ATM: variants seen among roughly 807,000 people sequenced by gnomAD.
ATM encodes serine-protein kinase ATM.
ATM carries 308 observed loss-of-function variants against 387.0 expected under a neutral mutation model. The observed-to-expected ratio is 0.80, with a 90% CI of 0.73 to 0.87. ATM has a LOEUF of 0.87. Among genes scored for constraint, ATM ranks in the 40% least tolerant of loss-of-function variants. The pLI is 0.00. For synonymous variants in ATM, 1,156 were observed against 1,187.3 expected, an observed-to-expected ratio of 0.97 and a Z score of 0.54; for missense variants, 3,312 against 3,560.9, an observed-to-expected ratio of 0.93 and a Z score of 1.78.
At position 108,289,627 on chromosome 11, in the gene ATM, C is replaced by A. The variant is rs2135759716; in HGVS notation, c.4262C>A (p.Ala1421Asp). The change falls in exon 29 of 63, where the codon GCC becomes GAC. Residue 1421 changes from alanine (A) to aspartate (D), a missense_variant. Around this residue, in one of 4 missense-constraint regions of ATM, gnomAD observed 1,791 missense variants for 1,804.5 expected, o/e 0.99. Coordinates refer to ENST00000675843, the MANE Select transcript of ATM (RefSeq NM_000051.4). Reference sequence around the variant, plus strand: ...GATTCCTATCAGAAAATTCTTCTTGCCATATGTGAGCAAGCAGCTGAAACA... The same window carrying A: ...GATTCCTATCAGAAAATTCTTCTTGACATATGTGAGCAAGCAGCTGAAACA... ...SPDSYQKILL[A>D]ICEQAAETNN... 6.2e-7 allele frequency: 1 copy of A among 1,608,894 alleles called. No homozygotes were observed. The highest frequency in any genetic ancestry group is 1.1e-5 in the South Asian group (1 of 90,112).
chr11:108,267,256 A>G lies in ATM; in HGVS notation c.2552A>G (p.Asp851Gly), dbSNP rs748203812. The stretch of plus-strand genomic sequence containing the variant: ...AATGGAAATCTAATGGAGGTGGAGG[A>G]TCAGTCATCCATGAATCTATTTAAC... The part of the protein sequence containing the change: ...DTNGNLMEVE[D>G]QSSMNLFNDY... Residue 851 changes from aspartate (D) to glycine (G), a missense_variant, in exon 17 of 63, where the codon GAT (aspartate) becomes GGT (glycine). Physicochemically the swap from Asp to Gly is moderately conservative, Grantham distance 94. Coordinates refer to ENST00000675843, the MANE Select transcript of ATM (RefSeq NM_000051.4). The G allele has an allele frequency of 1.5e-5, 24 of 1,613,990 alleles. No individual in the cohort carries two copies. Among genetic ancestry groups the G allele is most frequent in the Non-Finnish European group, 1.6e-5 (19 of 1,179,964 alleles).
rs1206860664 is a variant in ATM at position 108,297,074 on chromosome 11, G to A, written c.4910-213G>A. 1.7e-5 allele frequency: 9 copies of A among 540,786 alleles called. No individual in the cohort carries two copies. The East Asian group carries it at 2.8e-4, about 17-fold the overall frequency. The allele number at this position is 540,786 out of a possible 1,614,324, so 33.5% of individuals were successfully genotyped here. A position where few individuals can be genotyped will look rare whatever the true frequency, so the allele number is the denominator to read the frequency against. On this transcript the variant is annotated intron_variant, in intron 32 of 62. Coordinates refer to ENST00000675843, the MANE Select transcript of ATM (RefSeq NM_000051.4). ...TTGTTTAAGACATTTTATTTTCTCTGTTGTCACATATTGCTAATCACTTTC... is the reference window on the plus strand; with the variant it reads ...TTGTTTAAGACATTTTATTTTCTCTATTGTCACATATTGCTAATCACTTTC...
chr11:108,225,711 C>T (rs1336965474), intron 1 of ATM: 1 of 152,168 alleles, frequency 6.6e-6, no homozygotes, highest in Non-Finnish European at 1.5e-5. Flanking sequence ...CTCCTGACCT[C>T]GTGGAACGCC....
rs369583811 is a variant in ATM at position 108,366,029 on chromosome 11, C to CA, written c.*540dup. On this transcript the variant is annotated 3_prime_UTR_variant, in exon 63 of 63. Coordinates refer to ENST00000675843, the MANE Select transcript of ATM (RefSeq NM_000051.4). ...GGGTGACAAGAGCGAAACTCCATCTCAAAAAAAAAAAAAAAAAAACAGAAA... is the reference window on the plus strand; with the variant it reads ...GGGTGACAAGAGCGAAACTCCATCTCAAAAAAAAAAAAAAAAAAAACAGAAA... 2,163 of 100,190 alleles carry CA rather than the reference C, an allele frequency of 0.022. 14 individuals are homozygous for CA. The highest frequency in any genetic ancestry group is 0.063 in the East Asian group (346 of 5,522). The allele number at this position is 100,190 out of a possible 1,614,324, so 6.2% of individuals were successfully genotyped here. A position where few individuals can be genotyped will look rare whatever the true frequency, so the allele number is the denominator to read the frequency against.
intron 61 of ATM, chr11:108,355,540 G>A (rs1591317825): frequency 1.3e-5 from 2 of 153,126 alleles, no homozygotes; most frequent in African/African-American, 2.4e-5. Flanking sequence ...TGTGAGACAA[G>A]AAATCAGGAG....
chr11:108,254,737 C>T (rs936131659), intron 13 of ATM, among the ~76,000 whole-genome samples: 2 of 152,084 alleles, frequency 1.3e-5, no homozygotes, highest in African/African-American at 4.8e-5. Flanking sequence ...ACTGCAACCT[C>T]CGTCTTCCAG....
At position 108,287,675 on chromosome 11, in the gene ATM, T is replaced by A. The variant is rs2082563881; in HGVS notation, c.4069T>A (p.Ser1357Thr). The A allele has an allele frequency of 6.2e-7, 1 of 1,613,854 alleles. No individual in the cohort carries two copies. Among genetic ancestry groups the A allele is most frequent in the Non-Finnish European group, 8.5e-7 (1 of 1,179,900 alleles). Residue 1357 changes from serine (S) to threonine (T), a missense_variant, in exon 27 of 63, where the codon TCT (serine) becomes ACT (threonine). This residue lies in a region of ATM where 1,791 missense variants were observed against 1,804.5 expected (regional missense o/e 0.99). Coordinates refer to ENST00000675843, the MANE Select transcript of ATM (RefSeq NM_000051.4). ...LLMTLHEPAN[S>T]SASQSTDLCD... ...GATGACGTTACATGAGCCAGCAAAT[T>A]CTAGTGCCAGTCAGAGCACTGACCT...
At chr11:108,267,079 A>G in intron 16 of ATM, 92 bp from the exon 17 acceptor site, 2 of 1,291,420 alleles carry the variant, frequency 1.5e-6, no homozygotes, top group South Asian at 2.5e-5. Context: ...TACAGATGTG[A>G]GCCACTGTGC....
rs876658545 is a variant in ATM, at chr11:108,307,894, C to T, written c.5675-3C>T. The stretch of plus-strand genomic sequence containing the variant: ...ACTGAGGGGAGATATTTTTGTTTGT[C>T]AGAGTCAGAGCACTTTTTCCGATGC... On this transcript the variant is annotated splice_polypyrimidine_tract_variant and splice_region_variant and intron_variant, in intron 37 of 62. Coordinates refer to ENST00000675843, the MANE Select transcript of ATM (RefSeq NM_000051.4). 1 of 1,612,010 alleles carries T rather than the reference C, an allele frequency of 6.2e-7. No individual in the cohort carries two copies. The highest frequency in any genetic ancestry group is 1.3e-5 in the African/African-American group (1 of 74,954).
At chr11:108,228,353 A>G (rs2078847369) in intron 3 of ATM, among the ~76,000 whole-genome samples, 1 of 152,238 alleles carries the variant, frequency 6.6e-6, no homozygotes, top group South Asian at 2.1e-4. Flanking sequence ...ATGAAAAAAC[A>G]CAACTGATTG....
chr11:108,258,918 A>C (rs1432406621), intron 15 of ATM, 68 bp from the exon 16 acceptor site: 11 of 1,306,336 alleles, frequency 8.4e-6, no homozygotes, highest in Non-Finnish European at 1.1e-5. Context: ...GATAGAGAAA[A>C]CACTGTCTGC....
At chr11:108,365,290 T>A (rs2137898242) in intron 62 of ATM, 35 bp from the exon 63 acceptor site, 1 of 1,614,196 alleles carries the variant, frequency 6.2e-7, no homozygotes, top group Non-Finnish European at 8.5e-7. Flanking sequence ...TTTAAACTGT[T>A]CACCTCACTG....
Position 108,320,030 on chromosome 11 carries a change from A to AC in ATM, c.6425dup (p.Phe2143IlefsTer3). On this transcript the variant is annotated frameshift_variant, in exon 44 of 63. Transcript: ENST00000675843. LOFTEE classifies it high-confidence loss of function. ...ATCTCTAAGAGACAGAGAATTCTCT[A>AC]CATTTTATGAAAGTCTCAAATATGC... is the stretch of plus-strand genomic sequence containing the variant. 6.2e-7 allele frequency: 1 copy of AC among 1,607,864 alleles called. No homozygotes were observed. The highest frequency in any genetic ancestry group is 8.5e-7 in the Non-Finnish European group (1 of 1,174,418).
Position 108,227,546 on chromosome 11 carries a change from A to G in ATM, c.-30-49A>G, listed in dbSNP as rs3218703. ...TTTTCACACCTCTTTCTCTCTATAT[A>G]TGCATATATACATATACATATATAT... is the stretch of plus-strand genomic sequence containing the variant. On this transcript the variant is annotated intron_variant, in intron 1 of 62. Transcript: ENST00000675843. 8.1e-5 allele frequency: 93 copies of G among 1,150,500 alleles called. No individual in the cohort carries two copies. The East Asian group carries it at 2.1e-3, about 26-fold the overall frequency. 71.3% of individuals were successfully genotyped at this position (1,150,500 alleles called of 1,614,324 possible). A position where few individuals can be genotyped will look rare whatever the true frequency, so the allele number is the denominator to read the frequency against.
intron 18 of ATM, among the ~76,000 whole-genome samples, 189 bp from the exon 19 acceptor site, chr11:108,270,875 T>C (rs2081536516): frequency 6.6e-6 from 1 of 152,078 alleles, no homozygotes; most frequent in Non-Finnish European, 1.5e-5. Context: ...TTTGTGTTTT[T>C]AGTAGAGATG....
At chr11:108,245,112 A>T in intron 7 of ATM, 86 bp downstream of exon 7, 1 of 1,072,718 alleles carries the variant, frequency 9.3e-7, no homozygotes, top group Admixed American at 2.0e-5. Context: ...CTTTAGGAGG[A>T]TATGACTTTC....
At chr11:108,343,200 G>A (rs1262194012) in intron 56 of ATM, 22 bp from the exon 57 acceptor site, 1 of 1,613,446 alleles carries the variant, frequency 6.2e-7, no homozygotes, top group Non-Finnish European at 8.5e-7. Flanking sequence ...AAAATTAAAA[G>A]GTATTTAATC....
At chr11:108,329,868 A>T (rs1020426008) in intron 49 of ATM, among the ~76,000 whole-genome samples, 4 of 152,202 alleles carry the variant, frequency 2.6e-5, no homozygotes, top group African/African-American at 9.7e-5. Flanking sequence ...ATCATAGTGG[A>T]AAAGGAGATA....
intron 4 of ATM, among the ~76,000 whole-genome samples, chr11:108,234,938 A>G (rs76930104): frequency 0.057 from 8,751 of 152,200 alleles, 809 homozygotes; most frequent in African/African-American, 0.2. Flanking sequence ...TCTCCTTGTA[A>G]TCTTATGTTA....
Sources: allele counts gnomAD v4.1 joint callset (sites outside exome capture counted in the v4.1 genomes callset), GRCh38; gene constraint gnomAD v4.1.1; regional missense constraint gnomAD v4.1.1; transcripts MANE v1.5; gene names NCBI Gene and HGNC (gene_info 2026-07-23, HGNC 2026-07-21).